TRIO: variants seen among roughly 807,000 people sequenced by gnomAD.
The protein encoded by TRIO is trio Rho guanine nucleotide exchange factor.
TRIO carries 58 observed loss-of-function variants against 351.9 expected under a neutral mutation model. The observed-to-expected ratio is 0.16, with a 90% CI of 0.13 to 0.21. The LOEUF is 0.21. Ranked by LOEUF, TRIO falls within the 10% of genes least tolerant of loss-of-function variation. TRIO has a pLI of 1.00. For missense variants in TRIO, 3,201 were observed against 4,027.8 expected, an observed-to-expected ratio of 0.79 and a Z score of 5.56; for synonymous variants, 1,758 against 1,595.7, an observed-to-expected ratio of 1.10 and a Z score of -2.42.
rs779970506 is a variant in TRIO at position 14,381,185 on chromosome 5, C to T, written c.3503C>T (p.Thr1168Met). ...TTCTACCTTTCCACACACACCTCCA[C>T]GGGCTCCAGTATACAGCACACCCAG... ...GEFYLSTHTSTGSSIQHTQEL... is the reference protein window; with the variant it reads ...GEFYLSTHTSMGSSIQHTQEL... Residue 1168 changes from threonine to methionine, a missense_variant, in exon 21 of 57, where the codon ACG becomes ATG. This residue lies in a region of TRIO where 201 missense variants were observed against 266.5 expected (regional missense o/e 0.75). Transcript: ENST00000344204. The T allele has an allele frequency of 8.7e-6, 14 of 1,614,150 alleles. No homozygotes were observed. Among genetic ancestry groups the T allele is most frequent in the Admixed American group, 6.7e-5 (4 of 60,016 alleles).
chr5:14,490,824 GT>G (rs1756429539), intron 48 of TRIO: 1 of 456,020 alleles, frequency 2.2e-6, no homozygotes. Context: ...TGCAGAAGTT[GT>G]TTTTTGTTTA....
chr5:14,367,012 C>T (rs1744656877), intron 16 of TRIO, 33 bp downstream of exon 16: 2 of 1,612,488 alleles, frequency 1.2e-6, no homozygotes, highest in Non-Finnish European at 1.7e-6. Flanking sequence ...TGTGTTGGCT[C>T]TTTCATTCCT....
intron 20 of TRIO, among the ~76,000 whole-genome samples, chr5:14,379,363 CTT>C (rs1745862209): frequency 6.6e-6 from 1 of 152,200 alleles, no homozygotes; most frequent in Admixed American, 6.5e-5. Flanking sequence ...AGGAACAGCT[CTT>C]GTTCCAATCT....
Position 14,291,055 on chromosome 5 carries a change from A to C in TRIO, c.880A>C (p.Lys294Gln), listed in dbSNP as rs1736861059. 6.2e-7 allele frequency: 1 copy of C among 1,614,216 alleles called. No individual in the cohort carries two copies. Among genetic ancestry groups the C allele is most frequent in the Non-Finnish European group, 8.5e-7 (1 of 1,180,040 alleles). The change falls in exon 5 of 57, where the codon AAA becomes CAA. Residue 294 changes from lysine to glutamine, a missense_variant. Transcript: ENST00000344204. ...QRIQSSESFP[K>Q]KNSGSGNADL... Reference sequence around the variant, plus strand: ...GATACAGAGCAGTGAAAGCTTTCCCAAAAAGAACTCAGGCTCAGGCAATGC... The same window carrying C: ...GATACAGAGCAGTGAAAGCTTTCCCCAAAAGAACTCAGGCTCAGGCAATGC...
chr5:14,184,370 C>T (rs1374144939), intron 1 of TRIO, among the ~76,000 whole-genome samples: 1 of 152,202 alleles, frequency 6.6e-6, no homozygotes, highest in Non-Finnish European at 1.5e-5. Flanking sequence ...CTCTGTACAG[C>T]CATGGGATCA....
At chr5:14,397,573 T>C (rs12109756) in intron 29 of TRIO, among the ~76,000 whole-genome samples, 15,740 of 152,208 alleles carry the variant, frequency 0.1, 1,308 homozygotes, top group African/African-American at 0.24. Flanking sequence ...GCACCAGATA[T>C]TTCCTTGTGT....
Position 14,497,702 on chromosome 5 carries a change from C to A in TRIO, c.8020-145C>A. 2 of 989,882 alleles carry A rather than the reference C, an allele frequency of 2.0e-6. No homozygotes were observed. The highest frequency in any genetic ancestry group is 1.6e-5 in the African/African-American group (1 of 62,004). The allele number at this position is 989,882 out of a possible 1,614,324, so 61.3% of individuals were successfully genotyped here. On this transcript the variant is annotated intron_variant, in intron 50 of 56. Coordinates refer to ENST00000344204, the MANE Select transcript of TRIO (RefSeq NM_007118.4). This position sits in a 1 kb window ranked among gnomAD's most constrained non-coding sequence, Gnocchi z 4.4. ...TAGTGTGACATGAAACTTTTGAGTG[C>A]AGTGAAAATGTGGTCTGTTTTGATT... is the stretch of plus-strand genomic sequence containing the variant.
chr5:14,503,750 G>A (rs903241651), intron 54 of TRIO, among the ~76,000 whole-genome samples: 14 of 152,202 alleles, frequency 9.2e-5, no homozygotes, highest in African/African-American at 2.9e-4. Flanking sequence ...TAGCAAAACC[G>A]TGGCCTTTAA....
At chr5:14,326,002 C>G (rs1311703413) in intron 9 of TRIO, among the ~76,000 whole-genome samples, 1 of 152,208 alleles carries the variant, frequency 6.6e-6, no homozygotes, top group Non-Finnish European at 1.5e-5. Flanking sequence ...GAGGTCTTTC[C>G]TTTTTCATCT....
chr5:14,420,099 C>A (rs1749991860), intron 34 of TRIO, 78 bp downstream of exon 34: 1 of 1,552,818 alleles, frequency 6.4e-7, no homozygotes, highest in Admixed American at 1.8e-5. Context: ...GCCTCTCCTG[C>A]CTGTTAATGT....
At chr5:14,291,263 T>TG in intron 5 of TRIO, 35 bp downstream of exon 5, 1 of 1,593,552 alleles carries the variant, frequency 6.3e-7, no homozygotes, top group East Asian at 2.2e-5. Flanking sequence ...TCAGTGGACA[T>TG]GGGGGAAGCC....
intron 1 of TRIO, among the ~76,000 whole-genome samples, chr5:14,216,074 G>T (rs1490518541): frequency 2.0e-5 from 3 of 152,172 alleles, no homozygotes. Context: ...TGAGGATTCA[G>T]TGAGATAATC....
At chr5:14,188,034 T>C (rs1790230851) in intron 1 of TRIO, among the ~76,000 whole-genome samples, 2 of 152,262 alleles carry the variant, frequency 1.3e-5, no homozygotes, top group Admixed American at 1.3e-4. Flanking sequence ...GGAGTTAGAC[T>C]AGAACACCTT....
chr5:14,242,087 A>G (rs1315287677), intron 1 of TRIO, among the ~76,000 whole-genome samples: 3 of 152,230 alleles, frequency 2.0e-5, no homozygotes, highest in African/African-American at 7.2e-5. Context: ...TATTTTACAG[A>G]TGTGGAGACA....
intron 34 of TRIO, among the ~76,000 whole-genome samples, chr5:14,434,346 T>A (rs961011637): frequency 6.6e-6 from 1 of 152,194 alleles, no homozygotes; most frequent in Non-Finnish European, 1.5e-5. Context: ...CATAAACCCC[T>A]TTATTTACAG....
At chr5:14,239,903 G>A (rs905020909) in intron 1 of TRIO, among the ~76,000 whole-genome samples, 6 of 152,162 alleles carry the variant, frequency 3.9e-5, no homozygotes, top group South Asian at 2.1e-4. Flanking sequence ...TGCTTTTCAC[G>A]GGAGGGAACT....
intron 19 of TRIO, among the ~76,000 whole-genome samples, chr5:14,375,679 C>T (rs1745493199): frequency 6.7e-6 from 1 of 149,406 alleles, no homozygotes; most frequent in African/African-American, 2.6e-5. Context: ...GGTCAGAGGA[C>T]CCCCAGGAGC....
intron 1 of TRIO, among the ~76,000 whole-genome samples, chr5:14,268,523 G>C (rs1477229575): frequency 1.3e-5 from 2 of 152,196 alleles, no homozygotes; most frequent in Non-Finnish European, 2.9e-5. Flanking sequence ...TTCTCTGTCT[G>C]AGGGCTTTGC....
At chr5:14,309,535 G>C (rs1421525579) in intron 8 of TRIO, among the ~76,000 whole-genome samples, 1 of 152,236 alleles carries the variant, frequency 6.6e-6, no homozygotes, top group Non-Finnish European at 1.5e-5. Context: ...TTGCAGACTT[G>C]AGTGTCTTGG....
Sources: gnomAD v4.1 joint callset for allele counts (sites outside exome capture counted in the v4.1 genomes callset) on GRCh38, gnomAD v4.1.1 for gene constraint, gnomAD v4.1.1 regional missense constraint, Gnocchi (gnomAD v3.1) non-coding constraint, MANE v1.5 for transcripts, NCBI Gene and HGNC (gene_info 2026-07-23, HGNC 2026-07-21) for gene names.